HAPLN1: variants seen among roughly 807,000 people sequenced by gnomAD.
HAPLN1 encodes hyaluronan and proteoglycan link protein 1.
Under a neutral mutation model 36.5 loss-of-function variants are expected in HAPLN1, and 13 were observed. The observed-to-expected ratio is 0.36, with a 90% CI of 0.23 to 0.57. The LOEUF (loss-of-function observed/expected upper bound fraction) is 0.57, where lower values mean the gene tolerates loss of function less well. Among genes scored for constraint, HAPLN1 ranks in the 20% least tolerant of loss-of-function variants. HAPLN1 has a pLI of 0.83. For missense variants in HAPLN1, 407 were observed against 439.7 expected (o/e 0.93, Z 0.66); for synonymous variants, 202 against 169.8 (o/e 1.19, Z -1.48).
intron 1 of HAPLN1, among the ~76,000 whole-genome samples, chr5:83,688,779 C>G (rs368562765): frequency 6.8e-6 from 1 of 146,518 alleles, no homozygotes; most frequent in African/African-American, 2.5e-5. Flanking sequence ...TTCAGGGAAA[C>G]GGTGGACAGA....
chr5:83,643,599 C>T (rs1430417995), intron 4 of HAPLN1, among the ~76,000 whole-genome samples: 1 of 151,050 alleles, frequency 6.6e-6, no homozygotes, highest in Non-Finnish European at 1.5e-5. Flanking sequence ...ATTTTCTTTC[C>T]TTTTTTTTTC....
At chr5:83,680,786 C>G (rs947982502) in intron 1 of HAPLN1, among the ~76,000 whole-genome samples, 1 of 152,032 alleles carries the variant, frequency 6.6e-6, no homozygotes, top group East Asian at 1.9e-4. Context: ...AAAAATGCAG[C>G]CTTCATAGGC....
chr5:83,667,252 T>G (rs1408207434), intron 2 of HAPLN1, among the ~76,000 whole-genome samples: 1 of 152,196 alleles, frequency 6.6e-6, no homozygotes, highest in Non-Finnish European at 1.5e-5. Context: ...TTTATTATAT[T>G]AATATGGTGA....
chr5:83,665,346 A>C (rs1251452285), intron 2 of HAPLN1, among the ~76,000 whole-genome samples: 3 of 152,204 alleles, frequency 2.0e-5, no homozygotes, highest in Non-Finnish European at 4.4e-5. Flanking sequence ...CATTATACAT[A>C]TCTTTGACTT....
intron 2 of HAPLN1, among the ~76,000 whole-genome samples, chr5:83,669,848 C>T (rs1750656612): frequency 6.6e-6 from 1 of 152,098 alleles, no homozygotes; most frequent in African/African-American, 2.4e-5. Flanking sequence ...AATAAGCAGG[C>T]ATTAGGTCTG....
chr5:83,668,780 G>A (rs943921131), intron 2 of HAPLN1, among the ~76,000 whole-genome samples: 2 of 152,210 alleles, frequency 1.3e-5, no homozygotes, highest in African/African-American at 4.8e-5. Flanking sequence ...AAAGCTGAGA[G>A]ACAATCTGAT....
intron 1 of HAPLN1, among the ~76,000 whole-genome samples, chr5:83,678,504 G>A (rs1043517915): frequency 1.3e-5 from 2 of 152,092 alleles, no homozygotes; most frequent in African/African-American, 2.4e-5. Flanking sequence ...GTAAGGTTAC[G>A]ATAGTTGTCA....
At chr5:83,648,225 C>T (rs978021545) in intron 3 of HAPLN1, among the ~76,000 whole-genome samples, 4 of 151,136 alleles carry the variant, frequency 2.6e-5, no homozygotes, top group African/African-American at 7.3e-5. Flanking sequence ...ATGAAAATGC[C>T]GTGTTTCCAT....
Position 83,641,565 on chromosome 5 carries a change from C to G in HAPLN1, c.996G>C (p.Val332=). Residue 332 remains valine, a synonymous_variant, in exon 5 of 5, where the codon GTG becomes GTC. Coordinates refer to ENST00000274341, the MANE Select transcript of HAPLN1 (RefSeq NM_001884.4). ...RRRCSPTEAA[V]RFVGFPDKKH... The stretch of plus-strand genomic sequence containing the variant: ...TTTTATCTGGGAAACCCACGAAGCG[C>G]ACTGCAGCCTCAGTAGGACTGCAGC... 1 of 1,614,208 alleles carries G rather than the reference C, an allele frequency of 6.2e-7. No individual in the cohort carries two copies. The highest frequency in any genetic ancestry group is 8.5e-7 in the Non-Finnish European group (1 of 1,180,044).
intron 2 of HAPLN1, among the ~76,000 whole-genome samples, chr5:83,666,011 T>C (rs1750540338): frequency 6.6e-6 from 1 of 152,226 alleles, no homozygotes; most frequent in Admixed American, 6.5e-5. Context: ...AGTAATTTTA[T>C]TTCAAATAAT....
At position 83,689,846 on chromosome 5, in the gene HAPLN1, A is replaced by G. The variant is rs73133868; in HGVS notation, c.-26-16297T>C. 5.4e-3 allele frequency among the ~76,000 whole-genome samples: 827 copies of G among 152,262 alleles called. 8 individuals are homozygous for G. Among genetic ancestry groups the G allele is most frequent in the African/African-American group, 0.019 (786 of 41,570 alleles). On this transcript the variant is annotated intron_variant, in intron 1 of 4. Transcript: ENST00000274341. Reference sequence around the variant, plus strand: ...AAATTAATGGCTAATTCTAAACCCAAATATATAAACTTAAAATTTTTTCAT... The same window carrying G: ...AAATTAATGGCTAATTCTAAACCCAGATATATAAACTTAAAATTTTTTCAT...
chr5:83,691,345 A>C lies in HAPLN1; in HGVS notation c.-26-17796T>G, dbSNP rs138240511. ...TCCTAGAATATTCAGTTAAGGACTG[A>C]CCAGTGCATATGTGTGAGAAATCTA... is the stretch of plus-strand genomic sequence containing the variant. On this transcript the variant is annotated intron_variant, in intron 1 of 4. Transcript: ENST00000274341. 2.8e-4 allele frequency among the ~76,000 whole-genome samples: 42 copies of C among 152,150 alleles called. No individual in the cohort carries two copies. In the East Asian group the frequency reaches 4.6e-3, roughly 17 times the overall value.
At position 83,641,039 on chromosome 5, in the gene HAPLN1, C is replaced by A. The variant is rs986781132; in HGVS notation, c.*457G>T. 1.3e-5 allele frequency: 2 copies of A among 152,180 alleles called. No homozygotes were observed. The highest frequency in any genetic ancestry group is 2.9e-5 in the Non-Finnish European group (2 of 67,986). 9.4% of individuals were successfully genotyped at this position (152,180 alleles called of 1,614,324 possible). On this transcript the variant is annotated 3_prime_UTR_variant, in exon 5 of 5. Coordinates refer to ENST00000274341, the MANE Select transcript of HAPLN1 (RefSeq NM_001884.4). ...CTTGTGAAACTGAGTTTTGTATAAC[C>A]TCTCAGTTTATGTAAAGAAGCCTGT... is the stretch of plus-strand genomic sequence containing the variant.
At chr5:83,684,185 T>G (rs10155624) in intron 1 of HAPLN1, among the ~76,000 whole-genome samples, 43,301 of 151,814 alleles carry the variant, frequency 0.29, 6,695 homozygotes, top group East Asian at 0.41. Context: ...TCTGAGCATA[T>G]CCAAAGAGAG....
In HAPLN1 at chr5:83,652,777, A is replaced by T; in HGVS notation, c.148T>A (p.Phe50Ile). The change falls in exon 3 of 5, where the codon TTT becomes ATT. Residue 50 changes from phenylalanine (F) to isoleucine (I), a missense_variant. By Grantham distance (21) the Phe-to-Ile change is conservative. Coordinates refer to ENST00000274341, the MANE Select transcript of HAPLN1 (RefSeq NM_001884.4). ...GTAACATTGCCACCTCTGTGTGAAAACACCTTGGCTTGCTCTGCTTCCACA... is the reference window on the plus strand; with the variant it reads ...GTAACATTGCCACCTCTGTGTGAAATCACCTTGGCTTGCTCTGCTTCCACA... ...LLVEAEQAKV[F>I]SHRGGNVTLP... The T allele has an allele frequency of 1.9e-6, 3 of 1,612,774 alleles. No homozygotes were observed. The highest frequency in any genetic ancestry group is 2.5e-6 in the Non-Finnish European group (3 of 1,178,916).
At chr5:83,671,815 T>C (rs1468384308) in intron 2 of HAPLN1, among the ~76,000 whole-genome samples, 2 of 152,258 alleles carry the variant, frequency 1.3e-5, no homozygotes, top group Non-Finnish European at 2.9e-5. Context: ...AAGCCTGCAC[T>C]TTCTAAGAAT....
chr5:83,688,421 A>G (rs371989915), intron 1 of HAPLN1, among the ~76,000 whole-genome samples: 3 of 152,142 alleles, frequency 2.0e-5, no homozygotes, highest in African/African-American at 7.2e-5. Context: ...AATACCCACA[A>G]TAGATCTGGC....
chr5:83,648,907 TTTCTATCC>T lies in HAPLN1; in HGVS notation c.472+3538_472+3545del, dbSNP rs1467643876. On this transcript the variant is annotated intron_variant, in intron 3 of 4. Coordinates refer to ENST00000274341, the MANE Select transcript of HAPLN1 (RefSeq NM_001884.4). ...TGCATATAATCTGCTGCATCTTGAG[TTTCTATCC>T]CAGAATACATGGAGAGTGTCCTTAG... Among the ~76,000 whole-genome samples the T allele has an allele frequency of 3.3e-5, 5 of 152,290 alleles. No individual in the cohort carries two copies. The East Asian group carries it at 7.7e-4, about 24-fold the overall frequency.
At chr5:83,708,917 C>T (rs1200374317) in intron 1 of HAPLN1, among the ~76,000 whole-genome samples, 2 of 152,086 alleles carry the variant, frequency 1.3e-5, no homozygotes, top group Non-Finnish European at 2.9e-5. Flanking sequence ...GTCTCTGTCA[C>T]CCAGGCTGGA....
Sources: allele counts gnomAD v4.1 joint callset (sites outside exome capture counted in the v4.1 genomes callset), GRCh38; gene constraint gnomAD v4.1.1; transcripts MANE v1.5; gene names NCBI Gene and HGNC (gene_info 2026-07-23, HGNC 2026-07-21).